Variants in ACADSB observed in about 807,000 individuals in gnomAD.
The protein encoded by ACADSB is acyl-CoA dehydrogenase short/branched chain.
Under a neutral mutation model 54.1 loss-of-function variants are expected in ACADSB, and 40 were observed. The ratio of observed to expected loss-of-function variants is 0.74; its 90% CI spans 0.57 to 0.96. The LOEUF (loss-of-function observed/expected upper bound fraction) is 0.96, where lower values mean the gene tolerates loss of function less well. Among genes scored for constraint, ACADSB ranks in the 40% least tolerant of loss-of-function variants. The pLI is 0.00. For missense variants in ACADSB, 530 were observed against 510.4 expected, an observed-to-expected ratio of 1.04 and a Z score of -0.37; for synonymous variants, 182 against 182.8, an observed-to-expected ratio of 1.00 and a Z score of 0.03.
At chr10:123,028,627 C>T (rs1179102068) in intron 1 of ACADSB, among the ~76,000 whole-genome samples, 1 of 152,158 alleles carries the variant, frequency 6.6e-6, no homozygotes, top group Non-Finnish European at 1.5e-5. Flanking sequence ...CCTGCCATTG[C>T]ACTCCATCCT....
At chr10:123,021,248 A>C (rs538104702) in intron 1 of ACADSB, among the ~76,000 whole-genome samples, 18 of 152,346 alleles carry the variant, frequency 1.2e-4, no homozygotes, top group African/African-American at 4.3e-4. Flanking sequence ...AATCCATTCA[A>C]TCTTAATCAG....
Position 123,042,856 on chromosome 10 carries a change from A to G in ACADSB, c.682-190A>G, listed in dbSNP as rs565825348. ...GATGGTCTCTGAAAAAGTGAAACAA[A>G]TGGTAAGGTTCTATAGTTTGGATCT... On this transcript the variant is annotated intron_variant, in intron 5 of 10. Transcript: ENST00000358776. Among the ~76,000 whole-genome samples the G allele has an allele frequency of 2.6e-5, 4 of 152,292 alleles. No individual in the cohort carries two copies. In the East Asian group the frequency reaches 7.7e-4, roughly 29 times the overall value.
At chr10:123,017,293 C>T (rs1208446812) in intron 1 of ACADSB, among the ~76,000 whole-genome samples, 1 of 152,106 alleles carries the variant, frequency 6.6e-6, no homozygotes, top group Non-Finnish European at 1.5e-5. Flanking sequence ...ACAATAAAGG[C>T]AAGCCCAACT....
chr10:123,037,727 A>G lies in ACADSB; in HGVS notation c.203-20A>G. Reference sequence around the variant, plus strand: ...ACTGTCACTTTAACATAGACTTATCAGTAATTCTTTTTCCTACAGTTAAAA... The same window carrying G: ...ACTGTCACTTTAACATAGACTTATCGGTAATTCTTTTTCCTACAGTTAAAA... On this transcript the variant is annotated intron_variant, in intron 2 of 10. Coordinates refer to ENST00000358776, the MANE Select transcript of ACADSB (RefSeq NM_001609.4). 6.6e-7 allele frequency: 1 copy of G among 1,514,000 alleles called. No individual in the cohort carries two copies. Among genetic ancestry groups the G allele is most frequent in the South Asian group, 1.1e-5 (1 of 88,832 alleles). 93.8% of individuals were successfully genotyped at this position (1,514,000 alleles called of 1,614,324 possible). A position where few individuals can be genotyped will look rare whatever the true frequency, so the allele number is the denominator to read the frequency against.
At chr10:123,016,276 T>C (rs1004689672) in intron 1 of ACADSB, among the ~76,000 whole-genome samples, 6 of 152,228 alleles carry the variant, frequency 3.9e-5, no homozygotes, top group African/African-American at 7.2e-5. Context: ...CACAGCAGAT[T>C]TGGAGAGACT....
At chr10:123,036,601 C>T (rs975481027) in intron 2 of ACADSB, among the ~76,000 whole-genome samples, 1 of 152,184 alleles carries the variant, frequency 6.6e-6, no homozygotes, top group Non-Finnish European at 1.5e-5. Context: ...AGAAAAAAAT[C>T]ACTGCTTTTA....
chr10:123,021,019 A>C (rs139478089), intron 1 of ACADSB, among the ~76,000 whole-genome samples: 15 of 152,256 alleles, frequency 9.9e-5, no homozygotes, highest in South Asian at 2.1e-4. Context: ...TAAATAAATA[A>C]ATACATACAT....
chr10:123,020,406 A>C (rs1850168899), intron 1 of ACADSB, among the ~76,000 whole-genome samples: 1 of 152,236 alleles, frequency 6.6e-6, no homozygotes, highest in South Asian at 2.1e-4. Context: ...TCAGCTTAAA[A>C]GAAGCATTAT....
intron 1 of ACADSB, among the ~76,000 whole-genome samples, chr10:123,022,004 A>T (rs1296046049): frequency 2.0e-5 from 3 of 152,150 alleles, no homozygotes; most frequent in African/African-American, 4.8e-5. Flanking sequence ...GAAGAGAATT[A>T]AAAAAAGCTT....
chr10:123,047,772 A>G (rs1850579188), intron 8 of ACADSB, among the ~76,000 whole-genome samples: 1 of 152,276 alleles, frequency 6.6e-6, no homozygotes, highest in African/African-American at 2.4e-5. Flanking sequence ...TGTGCTCAGT[A>G]AATGGTAACA....
intron 1 of ACADSB, among the ~76,000 whole-genome samples, chr10:123,017,554 G>A (rs1053121799): frequency 1.3e-5 from 2 of 152,146 alleles, no homozygotes; most frequent in African/African-American, 2.4e-5. Flanking sequence ...CTGACCTCAC[G>A]TGATCCATCC....
chr10:123,044,517 A>G, intron 7 of ACADSB, 32 bp downstream of exon 7: 7 of 1,547,918 alleles, frequency 4.5e-6, no homozygotes, highest in Non-Finnish European at 6.2e-6. Context: ...CCATGATGTG[A>G]GTCAATTAAA....
chr10:123,053,271 C>A, intron 10 of ACADSB, 111 bp downstream of exon 10: 1 of 863,182 alleles, frequency 1.2e-6, no homozygotes, highest in Non-Finnish European at 1.8e-6. Flanking sequence ...TTAATTTCTT[C>A]AGTATATGTT....
chr10:123,021,946 C>T (rs1236959891), intron 1 of ACADSB, among the ~76,000 whole-genome samples: 1 of 151,850 alleles, frequency 6.6e-6, no homozygotes, highest in Admixed American at 6.6e-5. Flanking sequence ...CTCATGTGTG[C>T]ATTAAGAGTG....
At chr10:123,020,040 G>T (rs1169625364) in intron 1 of ACADSB, among the ~76,000 whole-genome samples, 3 of 152,106 alleles carry the variant, frequency 2.0e-5, no homozygotes, top group Non-Finnish European at 4.4e-5. Flanking sequence ...AGTGACTGGG[G>T]CTTGGAAATT....
intron 10 of ACADSB, 77 bp from the exon 11 acceptor site, chr10:123,053,618 G>A: frequency 1.6e-6 from 2 of 1,220,518 alleles, no homozygotes; most frequent in Non-Finnish European, 1.2e-6. Flanking sequence ...AAGCGCAGAG[G>A]TGATGTTTAT....
At position 123,013,875 on chromosome 10, in the gene ACADSB, A is replaced by G. The variant is rs11248360; in HGVS notation, c.42+4804A>G. ...CGCCACGCAGCCCTGGTTCCCGCCC[A>G]TGCCTCTCCCTCCACACCTCCCCGC... On this transcript the variant is annotated intron_variant, in intron 1 of 10. Coordinates refer to ENST00000358776, the MANE Select transcript of ACADSB (RefSeq NM_001609.4). Among the ~76,000 whole-genome samples, 4 of 152,004 alleles carry G rather than the reference A, an allele frequency of 2.6e-5. No individual in the cohort carries two copies. The East Asian group carries it at 7.8e-4, about 29-fold the overall frequency.
At chr10:123,023,568 T>TTGTA (rs1388755955) in intron 1 of ACADSB, among the ~76,000 whole-genome samples, 1 of 152,178 alleles carries the variant, frequency 6.6e-6, no homozygotes, top group Non-Finnish European at 1.5e-5. Context: ...CAGTTTTACT[T>TTGTA]TGTATGCCCC....
chr10:123,013,605 G>A (rs1162026869), intron 1 of ACADSB, among the ~76,000 whole-genome samples: 3 of 152,234 alleles, frequency 2.0e-5, no homozygotes, highest in Admixed American at 6.5e-5. Flanking sequence ...TGGCGGTGGC[G>A]GGGAGACTCA....
Sources: gnomAD v4.1 joint callset for allele counts (sites outside exome capture counted in the v4.1 genomes callset) on GRCh38, gnomAD v4.1.1 for gene constraint, MANE v1.5 for transcripts, NCBI Gene and HGNC (gene_info 2026-07-23, HGNC 2026-07-21) for gene names.